ESRRG: variants seen among roughly 807,000 people sequenced by gnomAD.
The protein encoded by ESRRG is estrogen-related receptor gamma.
ESRRG carries 13 observed loss-of-function variants against 44.0 expected under a neutral mutation model. That is an observed-to-expected ratio of 0.30 (90% CI 0.19 to 0.47). ESRRG has a LOEUF of 0.47. Ranked by LOEUF, ESRRG falls within the 20% of genes least tolerant of loss-of-function variation. The probability of loss-of-function intolerance (pLI) is 1.00; values close to 1 mark genes in which losing one functional copy is unlikely to be tolerated. For synonymous variants in ESRRG, 215 were observed against 214.6 expected (o/e 1.00, Z -0.02); for missense variants, 395 against 580.6 (o/e 0.68, Z 3.29).
At chr1:216,920,393 T>C (rs1423007198) in intron 2 of ESRRG, among the ~76,000 whole-genome samples, 1 of 120,776 alleles carries the variant, frequency 8.3e-6, no homozygotes, top group Admixed American at 8.3e-5. Context: ...AGTGTGTGTG[T>C]GTGTGTGTGT....
chr1:217,041,128 A>G (rs956807050), intron 1 of ESRRG, among the ~76,000 whole-genome samples: 3 of 152,154 alleles, frequency 2.0e-5, no homozygotes, highest in Non-Finnish European at 4.4e-5. Context: ...ATTTTAAACT[A>G]AGCATGAAAA....
rs138413171 is a variant in ESRRG at position 216,756,537 on chromosome 1, T to C, written c.-13-79046A>G. On this transcript the variant is annotated intron_variant, in intron 2 of 7. Transcript: ENST00000359162. ...AGGTTTTTTCTCTCTTTGACAGATA[T>C]AGTTCTCACAATGGGTCTCAATAAA... Among the ~76,000 whole-genome samples, 824 of 152,144 alleles carry C rather than the reference T, an allele frequency of 5.4e-3. 8 individuals are homozygous for C. Among genetic ancestry groups the C allele is most frequent in the African/African-American group, 0.018 (757 of 41,546 alleles).
chr1:216,532,800 G>A (rs1033280443), intron 5 of ESRRG, among the ~76,000 whole-genome samples: 8 of 152,130 alleles, frequency 5.3e-5, no homozygotes, highest in Admixed American at 1.3e-4. Flanking sequence ...ATTTAGATCC[G>A]TAAAACATTA....
intron 5 of ESRRG, among the ~76,000 whole-genome samples, chr1:216,527,022 A>G (rs1572311719): frequency 6.6e-6 from 1 of 152,330 alleles, no homozygotes; most frequent in South Asian, 2.1e-4. Context: ...TATTTAGAGT[A>G]TCTATTACAA....
At chr1:216,770,483 A>G (rs1254936367) in intron 2 of ESRRG, among the ~76,000 whole-genome samples, 2 of 152,084 alleles carry the variant, frequency 1.3e-5, no homozygotes, top group Admixed American at 6.6e-5. Context: ...TAGATCAGAT[A>G]TTTCTTTTTG....
At chr1:217,052,836 A>T (rs2086291552) in intron 1 of ESRRG, among the ~76,000 whole-genome samples, 1 of 152,144 alleles carries the variant, frequency 6.6e-6, no homozygotes, top group South Asian at 2.1e-4. Flanking sequence ...TGGTTAAGAA[A>T]TCTTGCATCT....
intron 1 of ESRRG, among the ~76,000 whole-genome samples, chr1:217,057,638 T>C (rs760567240): frequency 6.6e-6 from 1 of 151,814 alleles, no homozygotes; most frequent in Non-Finnish European, 1.5e-5. Flanking sequence ...ACAGAACAGA[T>C]AATCTAATAA....
intron 2 of ESRRG, among the ~76,000 whole-genome samples, chr1:216,807,281 A>G (rs1223237624): frequency 6.6e-6 from 1 of 152,172 alleles, no homozygotes; most frequent in African/African-American, 2.4e-5. Flanking sequence ...ATAATTGTCT[A>G]TGAGAAATGT....
At chr1:216,671,865 A>G (rs1195309790) in intron 2 of ESRRG, among the ~76,000 whole-genome samples, 1 of 152,162 alleles carries the variant, frequency 6.6e-6, no homozygotes, top group Non-Finnish European at 1.5e-5. Flanking sequence ...ATGGACATAA[A>G]AACTTCAGGA....
intron 3 of ESRRG, among the ~76,000 whole-genome samples, chr1:216,614,427 A>G (rs1454597462): frequency 1.3e-5 from 2 of 152,150 alleles, no homozygotes; most frequent in Non-Finnish European, 2.9e-5. Flanking sequence ...CTAAAGGAAT[A>G]CAGCCTGTTA....
intron 2 of ESRRG, among the ~76,000 whole-genome samples, chr1:216,666,293 A>ACC (rs1223481122): frequency 6.6e-6 from 1 of 152,238 alleles, no homozygotes; most frequent in Admixed American, 6.5e-5. Context: ...ATTCTAATAT[A>ACC]CCCTATCTGG....
intron 1 of ESRRG, among the ~76,000 whole-genome samples, chr1:216,983,018 G>A (rs1055740180): frequency 7.2e-6 from 1 of 138,286 alleles, no homozygotes; most frequent in African/African-American, 2.7e-5. Context: ...GACTAGTTAC[G>A]TGACTTTGAA....
At chr1:216,969,387 TAA>T (rs1413939736) in intron 1 of ESRRG, among the ~76,000 whole-genome samples, 1 of 152,144 alleles carries the variant, frequency 6.6e-6, no homozygotes, top group Non-Finnish European at 1.5e-5. Context: ...TATTTTTGAT[TAA>T]GTTTTTCCTC....
At chr1:216,743,664 T>C (rs1205980803) in intron 2 of ESRRG, among the ~76,000 whole-genome samples, 1 of 152,104 alleles carries the variant, frequency 6.6e-6, no homozygotes, top group Non-Finnish European at 1.5e-5. Flanking sequence ...GTCATCATCA[T>C]CATCACCATT....
intron 5 of ESRRG, among the ~76,000 whole-genome samples, chr1:216,535,275 G>A (rs1471750111): frequency 2.0e-5 from 3 of 152,050 alleles, no homozygotes; most frequent in Non-Finnish European, 2.9e-5. Context: ...TGCCAAATAA[G>A]GTTGCTAGAC....
At chr1:216,843,545 C>T (rs1419986857) in intron 2 of ESRRG, among the ~76,000 whole-genome samples, 4 of 152,092 alleles carry the variant, frequency 2.6e-5, no homozygotes, top group South Asian at 2.1e-4. Context: ...TGGTTCAACA[C>T]GTCAGAGCAG....
chr1:216,888,067 T>C (rs1208422351), intron 2 of ESRRG, among the ~76,000 whole-genome samples: 1 of 152,190 alleles, frequency 6.6e-6, no homozygotes, highest in Non-Finnish European at 1.5e-5. Flanking sequence ...CTAGGGTTTA[T>C]TAACTGTGCA....
At chr1:216,549,063 C>T (rs759064807) in intron 5 of ESRRG, among the ~76,000 whole-genome samples, 11 of 152,052 alleles carry the variant, frequency 7.2e-5, no homozygotes, top group Non-Finnish European at 1.5e-4. Flanking sequence ...AAACTAGAAT[C>T]TCTCAATGAC....
chr1:216,585,218 T>C (rs145923415), intron 3 of ESRRG, among the ~76,000 whole-genome samples: 5 of 152,320 alleles, frequency 3.3e-5, no homozygotes, highest in African/African-American at 1.2e-4. Context: ...AAGGATAGGA[T>C]ACATTTAGGG....
Sources: gnomAD v4.1 joint callset for allele counts (sites outside exome capture counted in the v4.1 genomes callset) on GRCh38, gnomAD v4.1.1 for gene constraint, MANE v1.5 for transcripts, NCBI Gene and HGNC (gene_info 2026-07-23, HGNC 2026-07-21) for gene names.